Variants in PHKB observed in about 807,000 individuals in gnomAD.
PHKB encodes the protein phosphorylase b kinase regulatory subunit beta.
A neutral mutation model predicts 152.1 loss-of-function variants in PHKB; 122 were observed. The ratio of observed to expected loss-of-function variants is 0.80; its 90% CI spans 0.69 to 0.93. PHKB has a LOEUF of 0.93. Ranked by LOEUF, PHKB falls within the 40% of genes least tolerant of loss-of-function variation. The pLI, the probability that PHKB is intolerant of heterozygous loss-of-function variation, is 0.00. For missense variants in PHKB, 1,304 were observed against 1,328.4 expected, an observed-to-expected ratio of 0.98 and a Z score of 0.29; for synonymous variants, 436 against 464.9, an observed-to-expected ratio of 0.94 and a Z score of 0.80.
chr16:47,616,599 A>G lies in PHKB; in HGVS notation c.1458+5679A>G, dbSNP rs550341992. On this transcript the variant is annotated intron_variant, in intron 14 of 30. Coordinates refer to ENST00000323584, the MANE Select transcript of PHKB (RefSeq NM_000293.3). ...ATATAAATATCATATATTAATATATAATATTTTACATATAAATATCATATA... is the reference window on the plus strand; with the variant it reads ...ATATAAATATCATATATTAATATATGATATTTTACATATAAATATCATATA... Among the ~76,000 whole-genome samples the G allele has an allele frequency of 2.9e-3, 416 of 144,636 alleles. 2 individuals carry two copies. The highest frequency in any genetic ancestry group is 4.3e-3 in the Non-Finnish European group (286 of 66,308). 94.9% of individuals were successfully genotyped at this position (144,636 alleles called of 152,430 possible).
At chr16:47,552,800 AACAC>A (rs61186489) in intron 7 of PHKB, among the ~76,000 whole-genome samples, 77 of 143,524 alleles carry the variant, frequency 5.4e-4, no homozygotes, top group East Asian at 8.2e-4. Flanking sequence ...CCCCATCTCA[AACAC>A]ACACACACAC....
chr16:47,484,944 A>G (rs1970024985), intron 1 of PHKB, among the ~76,000 whole-genome samples: 1 of 152,208 alleles, frequency 6.6e-6, no homozygotes, highest in African/African-American at 2.4e-5. Context: ...CATTTTTAAC[A>G]ATGTGGTGTG....
intron 25 of PHKB, chr16:47,665,826 A>T: frequency 2.6e-6 from 2 of 773,488 alleles, no homozygotes; most frequent in South Asian, 2.9e-5. Context: ...GTTTCCTCCA[A>T]ATGATGATGT....
chr16:47,598,068 G>T (rs1025318129), intron 13 of PHKB: 1 of 151,886 alleles, frequency 6.6e-6, no homozygotes, highest in Non-Finnish European at 1.5e-5. Context: ...TTCAAATAAT[G>T]ACTAAAATAA....
At chr16:47,684,876 A>G (rs557400762) in intron 26 of PHKB, among the ~76,000 whole-genome samples, 6 of 152,198 alleles carry the variant, frequency 3.9e-5, no homozygotes, top group Non-Finnish European at 8.8e-5. Flanking sequence ...GTCCCAAAGA[A>G]TTCATTGTCC....
At chr16:47,643,403 A>G (rs1353728303) in intron 16 of PHKB, among the ~76,000 whole-genome samples, 1 of 152,216 alleles carries the variant, frequency 6.6e-6, no homozygotes, top group Non-Finnish European at 1.5e-5. Context: ...AGGCAGTAGA[A>G]GGCATTCTGT....
At chr16:47,586,209 G>A (rs528776637) in intron 8 of PHKB, among the ~76,000 whole-genome samples, 1 of 152,272 alleles carries the variant, frequency 6.6e-6, no homozygotes, top group East Asian at 1.9e-4. Context: ...CTGCCTTTTT[G>A]TTTTCTTAAT....
rs1974097119 is a variant in PHKB at position 47,693,447 on chromosome 16, G to A, written c.2835G>A (p.Val945=). Residue 945 remains valine, a synonymous_variant, in exon 28 of 31, where the codon GTG becomes GTA. Coordinates refer to ENST00000323584, the MANE Select transcript of PHKB (RefSeq NM_000293.3). ...NRTPTGFYDR[V]WQILERTPNG... ...CTCCCACCGGGTTCTATGACCGAGT[G>A]TGGCAGATTCTGGAGCGCACGCCCA... The A allele has an allele frequency of 2.5e-6, 4 of 1,614,006 alleles. No homozygotes were observed. In the South Asian group the frequency reaches 3.3e-5, roughly 13 times the overall value.
intron 16 of PHKB, among the ~76,000 whole-genome samples, chr16:47,643,914 A>C (rs1304368735): frequency 6.6e-6 from 1 of 152,076 alleles, no homozygotes; most frequent in African/African-American, 2.4e-5. Context: ...ATTTCCGGGT[A>C]GTTTCTGCTC....
intron 6 of PHKB, among the ~76,000 whole-genome samples, chr16:47,540,891 G>A (rs1193600497): frequency 3.5e-5 from 5 of 144,236 alleles, no homozygotes; most frequent in South Asian, 2.2e-4. Context: ...GCAATGGGGC[G>A]ATCTTGGCTC....
chr16:47,504,206 G>A (rs56404231), intron 4 of PHKB, among the ~76,000 whole-genome samples: 3,546 of 152,292 alleles, frequency 0.023, 66 homozygotes, highest in Middle Eastern at 0.048. Flanking sequence ...CCTCCCCAGT[G>A]GGGTCACACA....
At chr16:47,484,946 TGTG>T (rs1270867884) in intron 1 of PHKB, among the ~76,000 whole-genome samples, 23 of 152,312 alleles carry the variant, frequency 1.5e-4, no homozygotes, top group African/African-American at 5.1e-4. Flanking sequence ...TTTTTAACAA[TGTG>T]GTGTGTATCC....
intron 1 of PHKB, among the ~76,000 whole-genome samples, chr16:47,483,347 T>C (rs1969998790): frequency 6.6e-6 from 1 of 152,090 alleles, no homozygotes; most frequent in African/African-American, 2.4e-5. Context: ...CACACCTGGC[T>C]CTTTCTGTAA....
At chr16:47,521,302 G>A (rs1193005137) in intron 6 of PHKB, among the ~76,000 whole-genome samples, 1 of 152,090 alleles carries the variant, frequency 6.6e-6, no homozygotes, top group African/African-American at 2.4e-5. Flanking sequence ...GGCTGCGAGT[G>A]GACATCCTTG....
intron 25 of PHKB, among the ~76,000 whole-genome samples, chr16:47,667,434 GA>G (rs1973558740): frequency 6.6e-6 from 1 of 151,868 alleles, no homozygotes; most frequent in Non-Finnish European, 1.5e-5. Context: ...GTCGTTTAAA[GA>G]AATTAAAAAG....
At chr16:47,598,728 T>C in intron 13 of PHKB, 1 of 1,577,898 alleles carries the variant, frequency 6.3e-7, no homozygotes, top group Admixed American at 1.7e-5. Context: ...CCCTCATTTT[T>C]CTTGCCAGAT....
At chr16:47,659,285 A>G (rs1182844132) in intron 20 of PHKB, among the ~76,000 whole-genome samples, 1 of 152,248 alleles carries the variant, frequency 6.6e-6, no homozygotes, top group African/African-American at 2.4e-5. Flanking sequence ...AGGCACTACT[A>G]TTCTGGGTAG....
Position 47,593,564 on chromosome 16 carries a change from A to G in PHKB, c.1126+7A>G. ...CTTTATATGATGATTGATGGTAAGT[A>G]AGCTTTTTCCTGAAATTTAAGCAAG... On this transcript the variant is annotated splice_region_variant and intron_variant, in intron 11 of 30. Transcript: ENST00000323584. 6.8e-7 allele frequency: 1 copy of G among 1,466,286 alleles called. No individual in the cohort carries two copies. The highest frequency in any genetic ancestry group is 9.6e-7 in the Non-Finnish European group (1 of 1,045,960). The allele number at this position is 1,466,286 out of a possible 1,614,324, so 90.8% of individuals were successfully genotyped here.
At chr16:47,577,951 A>G (rs1971777665) in intron 7 of PHKB, among the ~76,000 whole-genome samples, 1 of 152,152 alleles carries the variant, frequency 6.6e-6, no homozygotes, top group Admixed American at 6.5e-5. Flanking sequence ...CTCAGGTGAC[A>G]TGAATGTTAG....
Sources: allele counts gnomAD v4.1 joint callset (sites outside exome capture counted in the v4.1 genomes callset), GRCh38; gene constraint gnomAD v4.1.1; transcripts MANE v1.5; gene names NCBI Gene and HGNC (gene_info 2026-07-23, HGNC 2026-07-21).